The following GPC6 variants were observed in gnomAD, a reference collection of about 807,000 sequenced individuals.
The protein encoded by GPC6 is glypican 6, also known as glypican-6.
GPC6 carries 14 observed loss-of-function variants against 55.2 expected under a neutral mutation model. The ratio of observed to expected loss-of-function variants is 0.25; its 90% CI spans 0.17 to 0.40. The LOEUF is 0.40. Among genes scored for constraint, GPC6 ranks in the 10% least tolerant of loss-of-function variants. The pLI is 1.00. For missense variants in GPC6, 641 were observed against 708.5 expected, an observed-to-expected ratio of 0.90 and a Z score of 1.08; for synonymous variants, 278 against 259.6, an observed-to-expected ratio of 1.07 and a Z score of -0.68.
chr13:93,758,830 A>G (rs528389334), intron 2 of GPC6, among the ~76,000 whole-genome samples: 2 of 152,086 alleles, frequency 1.3e-5, no homozygotes, highest in African/African-American at 4.8e-5. Context: ...TAAATGTGTC[A>G]TCATTTTCTA....
At chr13:93,766,083 A>G (rs1184700354) in intron 2 of GPC6, among the ~76,000 whole-genome samples, 1 of 152,198 alleles carries the variant, frequency 6.6e-6, no homozygotes, top group Non-Finnish European at 1.5e-5. Context: ...GTTTGCAGTC[A>G]TGTGCAAAGA....
intron 1 of GPC6, among the ~76,000 whole-genome samples, chr13:93,462,648 A>C (rs1182970302): frequency 1.3e-5 from 2 of 150,372 alleles, no homozygotes; most frequent in Admixed American, 6.7e-5. Context: ...GAAAAAAAAA[A>C]CAACTAAGGA....
intron 4 of GPC6, among the ~76,000 whole-genome samples, chr13:94,070,808 A>T (rs1214105022): frequency 6.6e-6 from 1 of 152,212 alleles, no homozygotes; most frequent in Non-Finnish European, 1.5e-5. Context: ...TTTCTGGGTG[A>T]TTCTGCAGGA....
At chr13:93,613,060 T>A (rs1431066464) in intron 2 of GPC6, among the ~76,000 whole-genome samples, 1 of 152,202 alleles carries the variant, frequency 6.6e-6, no homozygotes, top group African/African-American at 2.4e-5. Flanking sequence ...TCACTTGCTA[T>A]GTGACGTATG....
chr13:93,681,299 C>A (rs1881836272), intron 2 of GPC6, among the ~76,000 whole-genome samples: 1 of 152,068 alleles, frequency 6.6e-6, no homozygotes, highest in Non-Finnish European at 1.5e-5. Flanking sequence ...TGATATTTGA[C>A]AACTTACAGA....
At chr13:93,659,551 G>A (rs1316809278) in intron 2 of GPC6, among the ~76,000 whole-genome samples, 5 of 151,704 alleles carry the variant, frequency 3.3e-5, no homozygotes, top group African/African-American at 1.2e-4. Flanking sequence ...TCCCTTAATG[G>A]GATATTTTTC....
At chr13:93,868,138 A>G (rs1889026376) in intron 3 of GPC6, among the ~76,000 whole-genome samples, 3 of 151,730 alleles carry the variant, frequency 2.0e-5, no homozygotes, top group Non-Finnish European at 2.9e-5. Flanking sequence ...TTGATGCATA[A>G]TATTTTTGGG....
rs1319816655 is a variant in GPC6, at chr13:93,342,591, G to C, written c.160+114975G>C. Among the ~76,000 whole-genome samples, 7 of 152,168 alleles carry C rather than the reference G, an allele frequency of 4.6e-5. 1 individual carries two copies. The South Asian group carries it at 1.4e-3, about 32-fold the overall frequency. On this transcript the variant is annotated intron_variant, in intron 1 of 8. Transcript: ENST00000377047. ...CTACCATTCAAGATGAGACTTGGGT[G>C]GGGGAACAGCCAAACCTTACCAATA...
chr13:94,303,374 G>T (rs940481686), intron 5 of GPC6, among the ~76,000 whole-genome samples: 1 of 152,164 alleles, frequency 6.6e-6, no homozygotes, highest in Non-Finnish European at 1.5e-5. Context: ...TAAGTTGCAA[G>T]CCTCGTGTTT....
chr13:93,877,527 G>T (rs1165285811), intron 3 of GPC6, among the ~76,000 whole-genome samples: 2 of 151,916 alleles, frequency 1.3e-5, no homozygotes, highest in Non-Finnish European at 2.9e-5. Flanking sequence ...TATTTCAAAG[G>T]TGTTGTGAAT....
chr13:93,858,297 T>C (rs972403605), intron 3 of GPC6, among the ~76,000 whole-genome samples: 1 of 151,680 alleles, frequency 6.6e-6, no homozygotes, highest in Non-Finnish European at 1.5e-5. Flanking sequence ...ATATTATTAA[T>C]TGAGCTTGTA....
chr13:93,919,534 A>G (rs773516871), intron 3 of GPC6, among the ~76,000 whole-genome samples: 7 of 152,206 alleles, frequency 4.6e-5, no homozygotes, highest in Admixed American at 1.3e-4. Context: ...TGTCAGACAC[A>G]TCAGATACTT....
At chr13:93,413,722 T>C (rs1876596350) in intron 1 of GPC6, among the ~76,000 whole-genome samples, 1 of 152,148 alleles carries the variant, frequency 6.6e-6, no homozygotes, top group African/African-American at 2.4e-5. Flanking sequence ...GGATGTAGAT[T>C]ATAAATAAAT....
chr13:94,393,011 A>AT (rs1287001757), intron 7 of GPC6, among the ~76,000 whole-genome samples: 1 of 152,144 alleles, frequency 6.6e-6, no homozygotes, highest in Non-Finnish European at 1.5e-5. Context: ...ATCTCTCCAC[A>AT]TTTTTACCAA....
intron 2 of GPC6, among the ~76,000 whole-genome samples, chr13:93,700,399 G>A (rs550869753): frequency 2.0e-5 from 3 of 152,102 alleles, no homozygotes; most frequent in African/African-American, 7.2e-5. Flanking sequence ...TGGCACCAGT[G>A]TAAACCTACC....
chr13:94,167,903 A>G (rs1176882050), intron 4 of GPC6, among the ~76,000 whole-genome samples: 1 of 152,250 alleles, frequency 6.6e-6, no homozygotes, highest in African/African-American at 2.4e-5. Context: ...TAGTAATGCC[A>G]ATTGCTTATT....
chr13:94,320,977 T>C (rs1309942622), intron 6 of GPC6, among the ~76,000 whole-genome samples: 1 of 152,226 alleles, frequency 6.6e-6, no homozygotes, highest in Admixed American at 6.5e-5. Flanking sequence ...GTAAATTGCA[T>C]GTCACAAAGG....
chr13:93,314,622 T>C (rs1156504279), intron 1 of GPC6, among the ~76,000 whole-genome samples: 1 of 151,658 alleles, frequency 6.6e-6, no homozygotes, highest in Non-Finnish European at 1.5e-5. Context: ...CAACAGCAAA[T>C]AAAGTTGCAT....
At chr13:93,593,009 G>A (rs1270398110) in intron 2 of GPC6, among the ~76,000 whole-genome samples, 2 of 151,976 alleles carry the variant, frequency 1.3e-5, no homozygotes, top group Admixed American at 6.6e-5. Context: ...TTTAAAAGAA[G>A]TGGATAACAA....
Sources: allele counts gnomAD v4.1 joint callset (sites outside exome capture counted in the v4.1 genomes callset), GRCh38; gene constraint gnomAD v4.1.1; transcripts MANE v1.5; gene names NCBI Gene and HGNC (gene_info 2026-07-23, HGNC 2026-07-21).